The following AP3D1 variants were observed in gnomAD, a reference collection of about 807,000 sequenced individuals.
AP3D1 encodes adaptor related protein complex 3 subunit delta 1.
AP3D1 carries 51 observed loss-of-function variants against 147.6 expected under a neutral mutation model. The observed-to-expected ratio is 0.35, with a 90% CI of 0.28 to 0.44. The LOEUF (loss-of-function observed/expected upper bound fraction) is 0.44, where lower values mean the gene tolerates loss of function less well. Ranked by LOEUF, AP3D1 falls within the 20% of genes least tolerant of loss-of-function variation. The pLI, the probability that AP3D1 is intolerant of heterozygous loss-of-function variation, is 1.00. For missense variants in AP3D1, 1,421 were observed against 1,624.2 expected (o/e 0.87, Z 2.15); for synonymous variants, 760 against 663.0 (o/e 1.15, Z -2.25).
intron 21 of AP3D1, 52 bp from the exon 22 acceptor site, chr19:2,114,354 G>T: frequency 6.8e-7 from 1 of 1,479,586 alleles, no homozygotes; most frequent in South Asian, 1.2e-5. Flanking sequence ...CACCCCCCAG[G>T]ACCACTCAGT....
intron 13 of AP3D1, 30 bp from the exon 14 acceptor site, chr19:2,121,122 G>T (rs989827308): frequency 1.2e-6 from 2 of 1,613,636 alleles, no homozygotes; most frequent in Non-Finnish European, 1.7e-6. Flanking sequence ...AGTGAGCGGC[G>T]CCACGGAACC....
At position 2,151,338 on chromosome 19, in the gene AP3D1, G is replaced by A. The variant is rs1228214669; in HGVS notation, c.-4C>T. On this transcript the variant is annotated 5_prime_UTR_variant, in exon 1 of 32. Coordinates refer to ENST00000643116, the MANE Select transcript of AP3D1 (RefSeq NM_001261826.3). ...CCTTCACCATCTTGAGGGCCATCGC[G>A]GCGGCCCACGGGCTTTTGCCTCGGG... 4.4e-6 allele frequency: 7 copies of A among 1,577,336 alleles called. No individual in the cohort carries two copies. The highest frequency in any genetic ancestry group is 1.7e-5 in the Admixed American group (1 of 57,386).
At chr19:2,142,682 G>C (rs560995057) in intron 1 of AP3D1, among the ~76,000 whole-genome samples, 2 of 152,184 alleles carry the variant, frequency 1.3e-5, no homozygotes, top group South Asian at 2.1e-4. Flanking sequence ...CTGAGGGCCT[G>C]GGAGCTCACC....
At chr19:2,116,372 A>T in intron 17 of AP3D1, 94 bp from the exon 18 acceptor site, 1 of 1,375,876 alleles carries the variant, frequency 7.3e-7, no homozygotes, top group Non-Finnish European at 9.9e-7. Context: ...GGAAGGCTGG[A>T]TCTCTGGCTA....
At chr19:2,111,377 G>A (rs758572526) in intron 25 of AP3D1, 45 bp from the exon 26 acceptor site, 44 of 1,609,818 alleles carry the variant, frequency 2.7e-5, no homozygotes, top group Middle Eastern at 1.7e-4. Context: ...CCCGAGCTCC[G>A]TCTCAGCGAA....
chr19:2,134,501 C>G (rs1026581111), intron 4 of AP3D1, among the ~76,000 whole-genome samples: 2 of 151,090 alleles, frequency 1.3e-5, no homozygotes, highest in African/African-American at 2.4e-5. Context: ...CTTTGGGAGG[C>G]CGAGGCAGGC....
intron 9 of AP3D1, 100 bp from the exon 10 acceptor site, chr19:2,123,979 G>T: frequency 7.7e-7 from 1 of 1,305,842 alleles, no homozygotes; most frequent in South Asian, 1.3e-5. Flanking sequence ...CCGGGAGGAG[G>T]GATGGGAGGG....
intron 13 of AP3D1, 31 bp from the exon 14 acceptor site, chr19:2,121,123 C>T: frequency 6.2e-7 from 1 of 1,613,642 alleles, no homozygotes. Context: ...GTGAGCGGCG[C>T]CACGGAACCC....
intron 31 of AP3D1, among the ~76,000 whole-genome samples, chr19:2,105,032 G>A (rs1253231668): frequency 6.6e-6 from 1 of 152,170 alleles, no homozygotes; most frequent in Non-Finnish European, 1.5e-5. Context: ...CAGGGCATCA[G>A]CAAAGACATG....
At chr19:2,117,020 G>A (rs1040868604) in intron 16 of AP3D1, 1 of 824,806 alleles carries the variant, frequency 1.2e-6, no homozygotes, top group Non-Finnish European at 1.8e-6. Context: ...CACTTCGCAG[G>A]GAGCATCCCC....
chr19:2,117,223 C>G lies in AP3D1; in HGVS notation c.1858G>C (p.Gly620Arg). The change falls in exon 16 of 32, where the codon GGC becomes CGC. Residue 620 changes from glycine (G) to arginine (R), a missense_variant and splice_region_variant. Coordinates refer to ENST00000643116, the MANE Select transcript of AP3D1 (RefSeq NM_001261826.3). ...KAQKKVPVPE[G>R]LDLDAWINEP... The stretch of plus-strand genomic sequence containing the variant: ...ATGCCCCCACCCCCGTATCCTTACC[C>G]TTCGGGGACTGGAACCTTCTTCTGG... 6.2e-7 allele frequency: 1 copy of G among 1,606,562 alleles called. No homozygotes were observed. Among genetic ancestry groups the G allele is most frequent in the Non-Finnish European group, 8.5e-7 (1 of 1,176,424 alleles).
intron 30 of AP3D1, 97 bp from the exon 31 acceptor site, chr19:2,108,863 C>T (rs1368083064): frequency 1.4e-6 from 2 of 1,411,328 alleles, no homozygotes; most frequent in Non-Finnish European, 1.9e-6. Context: ...CCCTTGGCCA[C>T]AGCTTCAGGA....
At chr19:2,130,800 G>A (rs1190075073) in intron 5 of AP3D1, among the ~76,000 whole-genome samples, 1 of 152,228 alleles carries the variant, frequency 6.6e-6, no homozygotes, top group Non-Finnish European at 1.5e-5. Flanking sequence ...ACAGTGGGAG[G>A]AAGGCTGGAG....
At chr19:2,105,654 C>T (rs541573172) in intron 31 of AP3D1, among the ~76,000 whole-genome samples, 3 of 152,312 alleles carry the variant, frequency 2.0e-5, no homozygotes, top group African/African-American at 7.2e-5. Context: ...TCCCACTTCA[C>T]ACCTCTGTAT....
Position 2,141,050 on chromosome 19 carries a change from C to T in AP3D1, c.97-2336G>A, listed in dbSNP as rs149918243. Among the ~76,000 whole-genome samples, 484 of 152,176 alleles carry T rather than the reference C, an allele frequency of 3.2e-3. 3 individuals carry two copies. The highest frequency in any genetic ancestry group is 0.011 in the African/African-American group (452 of 41,526). On this transcript the variant is annotated intron_variant, in intron 1 of 31. Coordinates refer to ENST00000643116, the MANE Select transcript of AP3D1 (RefSeq NM_001261826.3). ...CCAGGATAACAGGCATGAGCCACTG[C>T]GCCCGGCCTGAATTAGAAAAAAAAT...
intron 16 of AP3D1, 148 bp from the exon 17 acceptor site, chr19:2,116,894 G>A (rs893050990): frequency 1.4e-5 from 16 of 1,120,020 alleles, no homozygotes; most frequent in Non-Finnish European, 1.6e-5. Flanking sequence ...CGAGGCAGGT[G>A]TCACTGCCCC....
Position 2,116,584 on chromosome 19 carries a change from CA to C in AP3D1, c.2001+20del. On this transcript the variant is annotated intron_variant, in intron 17 of 31. Transcript: ENST00000643116. Reference sequence around the variant, plus strand: ...CAGGAGGGAGGAGACGAGGGCTCGCCAGGGGCAGCCAGCAGCTCACCCGAGC... The same window carrying C: ...CAGGAGGGAGGAGACGAGGGCTCGCCGGGGCAGCCAGCAGCTCACCCGAGC... 1 of 1,566,692 alleles carries C rather than the reference CA, an allele frequency of 6.4e-7. No homozygotes were observed.
At chr19:2,122,781 T>C (rs1464565647) in intron 11 of AP3D1, among the ~76,000 whole-genome samples, 1 of 152,164 alleles carries the variant, frequency 6.6e-6, no homozygotes, top group Non-Finnish European at 1.5e-5. Flanking sequence ...CACTCCACTA[T>C]CTGGGCTGTT....
chr19:2,107,467 G>A (rs2018143637), intron 31 of AP3D1, among the ~76,000 whole-genome samples: 3 of 151,876 alleles, frequency 2.0e-5, no homozygotes, highest in African/African-American at 7.3e-5. Flanking sequence ...AAGGCCGGGC[G>A]CGGTGGCTCA....
Sources: gnomAD v4.1 joint callset for allele counts (sites outside exome capture counted in the v4.1 genomes callset) on GRCh38, gnomAD v4.1.1 for gene constraint, MANE v1.5 for transcripts, NCBI Gene and HGNC (gene_info 2026-07-23, HGNC 2026-07-21) for gene names.